Variants in GRIN2B observed in about 807,000 individuals in gnomAD.
GRIN2B encodes glutamate receptor ionotropic, NMDA 2B.
Under a neutral mutation model 114.5 loss-of-function variants are expected in GRIN2B, and 5 were observed. The observed-to-expected ratio is 0.04, with a 90% CI of 0.02 to 0.09. The LOEUF is 0.09. GRIN2B is among the 10% of genes least tolerant of loss of function. The pLI, the probability that GRIN2B is intolerant of heterozygous loss-of-function variation, is 1.00. For synonymous variants in GRIN2B, 787 were observed against 745.1 expected, an observed-to-expected ratio of 1.06 and a Z score of -0.92; for missense variants, 1,108 against 1,943.5, an observed-to-expected ratio of 0.57 and a Z score of 8.08.
rs546318011 is a variant in GRIN2B, at chr12:13,632,253, A to G, written c.1126-15596T>C. Among the ~76,000 whole-genome samples, 16 of 152,362 alleles carry G rather than the reference A, an allele frequency of 1.1e-4. No individual in the cohort carries two copies. In the South Asian group the frequency reaches 2.5e-3, roughly 24 times the overall value. ...TGTACCAAGATAAGTAAAACAGAAA[A>G]TTAAGGTAGCACTTGAATTCCTATC... On this transcript the variant is annotated intron_variant, in intron 5 of 13. Transcript: ENST00000609686.
intron 3 of GRIN2B, among the ~76,000 whole-genome samples, chr12:13,787,519 C>A (rs184858319): frequency 9.9e-5 from 15 of 152,240 alleles, no homozygotes; most frequent in Admixed American, 4.6e-4. Context: ...AAAGGGCAAG[C>A]CGTACCAGAG....
At chr12:13,657,629 A>G (rs748696450) in intron 5 of GRIN2B, among the ~76,000 whole-genome samples, 9 of 152,208 alleles carry the variant, frequency 5.9e-5, no homozygotes, top group African/African-American at 2.2e-4. Flanking sequence ...CAACACGTTC[A>G]GACCAATAAG....
At chr12:13,629,308 A>AAACT (rs1949598542) in intron 5 of GRIN2B, among the ~76,000 whole-genome samples, 1 of 152,216 alleles carries the variant, frequency 6.6e-6, no homozygotes, top group Non-Finnish European at 1.5e-5. Flanking sequence ...TAGGATATCC[A>AAACT]AGGTCATTGC....
chr12:13,783,624 C>T (rs905687837), intron 3 of GRIN2B, among the ~76,000 whole-genome samples: 2 of 152,098 alleles, frequency 1.3e-5, no homozygotes, highest in Non-Finnish European at 2.9e-5. Flanking sequence ...AGAGAGCTGA[C>T]TGAAGTCTGT....
chr12:13,717,066 C>CGCGTGTGT (rs200897660), intron 4 of GRIN2B, among the ~76,000 whole-genome samples: 19 of 145,922 alleles, frequency 1.3e-4, no homozygotes, highest in African/African-American at 3.0e-4. Flanking sequence ...ATGCCATACG[C>CGCGTGTGT]GTGTGTGTGT....
chr12:13,748,105 C>A (rs75962008), intron 4 of GRIN2B, among the ~76,000 whole-genome samples: 2 of 152,106 alleles, frequency 1.3e-5, no homozygotes, highest in African/African-American at 2.4e-5. Flanking sequence ...GACGATCCAG[C>A]CTTTTAAGAT....
intron 3 of GRIN2B, among the ~76,000 whole-genome samples, chr12:13,853,992 G>T (rs1418682575): frequency 6.6e-6 from 1 of 152,152 alleles, no homozygotes; most frequent in African/African-American, 2.4e-5. Flanking sequence ...AGAACTAAAA[G>T]AACTACTACC....
chr12:13,814,056 G>C (rs1864777540), intron 3 of GRIN2B, among the ~76,000 whole-genome samples: 2 of 152,156 alleles, frequency 1.3e-5, no homozygotes, highest in South Asian at 4.1e-4. Context: ...ATTCCTCTTG[G>C]GGGAAATAGG....
rs148579225 is a variant in GRIN2B at position 13,909,075 on chromosome 12, A to G, written c.-18-42849T>C. 7.2e-3 allele frequency among the ~76,000 whole-genome samples: 1,089 copies of G among 152,280 alleles called. 3 individuals are homozygous for G. Among genetic ancestry groups the G allele is most frequent in the Middle Eastern group, 0.017 (5 of 294 alleles). On this transcript the variant is annotated intron_variant, in intron 2 of 13. Transcript: ENST00000609686. ...CAGGCTCCAAAAAAATGACATGAAT[A>G]TACTTTCTTCTCTCCTTCTGCCTTC...
intron 2 of GRIN2B, among the ~76,000 whole-genome samples, chr12:13,931,222 A>G (rs1867025101): frequency 6.6e-6 from 1 of 152,148 alleles, no homozygotes; most frequent in South Asian, 2.1e-4. Context: ...CTCACACTCT[A>G]TTCTCCCTTT....
chr12:13,653,189 G>A (rs1308986387), intron 5 of GRIN2B, among the ~76,000 whole-genome samples: 3 of 152,244 alleles, frequency 2.0e-5, no homozygotes, highest in Non-Finnish European at 2.9e-5. Flanking sequence ...GCAAGTCCCA[G>A]CTTTCTACCT....
intron 3 of GRIN2B, among the ~76,000 whole-genome samples, chr12:13,810,534 A>G (rs537557990): frequency 1.5e-3 from 223 of 152,316 alleles, no homozygotes; most frequent in Non-Finnish European, 2.3e-3. Context: ...CCATGTGGTC[A>G]TTCTAAAGGG....
intron 2 of GRIN2B, among the ~76,000 whole-genome samples, chr12:13,937,963 T>A (rs965269558): frequency 1.1e-4 from 17 of 152,186 alleles, no homozygotes; most frequent in African/African-American, 4.1e-4. Flanking sequence ...TGCAATGTCA[T>A]ACCTTACGTG....
At chr12:13,890,977 A>T (rs1195242864) in intron 2 of GRIN2B, among the ~76,000 whole-genome samples, 1 of 152,136 alleles carries the variant, frequency 6.6e-6, no homozygotes, top group African/African-American at 2.4e-5. Flanking sequence ...GGCTTTTCCA[A>T]TCTTACACAT....
chr12:13,914,296 C>G (rs1205623038), intron 2 of GRIN2B, among the ~76,000 whole-genome samples: 1 of 152,166 alleles, frequency 6.6e-6, no homozygotes, highest in African/African-American at 2.4e-5. Context: ...CCAGCTTGCA[C>G]CCTTTTCCAT....
At chr12:13,651,095 C>T (rs1294697376) in intron 5 of GRIN2B, among the ~76,000 whole-genome samples, 4 of 152,060 alleles carry the variant, frequency 2.6e-5, no homozygotes, top group Non-Finnish European at 5.9e-5. Context: ...TTGAAGCATA[C>T]CTGCCAGTGC....
At chr12:13,595,669 C>T (rs1264259830) in intron 10 of GRIN2B, among the ~76,000 whole-genome samples, 1 of 152,100 alleles carries the variant, frequency 6.6e-6, no homozygotes, top group Non-Finnish European at 1.5e-5. Context: ...TAAAACAATT[C>T]CTCTAGCAGC....
chr12:13,790,348 C>T (rs1259892164), intron 3 of GRIN2B, among the ~76,000 whole-genome samples: 2 of 152,204 alleles, frequency 1.3e-5, no homozygotes, highest in African/African-American at 2.4e-5. Flanking sequence ...TCCTGTCCCA[C>T]ACATCCCCAA....
chr12:13,781,356 G>C (rs1864109261), intron 3 of GRIN2B, among the ~76,000 whole-genome samples: 1 of 152,172 alleles, frequency 6.6e-6, no homozygotes, highest in South Asian at 2.1e-4. Context: ...TTGGATATTA[G>C]ATTATTGTAA....
Sources: allele counts gnomAD v4.1 joint callset (sites outside exome capture counted in the v4.1 genomes callset), GRCh38; gene constraint gnomAD v4.1.1; transcripts MANE v1.5; gene names NCBI Gene and HGNC (gene_info 2026-07-23, HGNC 2026-07-21).